The following GARNL3 variants were observed in gnomAD, a reference collection of about 807,000 sequenced individuals.
The protein encoded by GARNL3 is GTPase-activating Rap/Ran-GAP domain-like protein 3.
In GARNL3, 63 loss-of-function variants were observed where a neutral mutation model predicts 125.0. That is an observed-to-expected ratio of 0.50 (90% CI 0.41 to 0.62). The LOEUF is 0.62. GARNL3 is among the 20% of genes least tolerant of loss of function. The pLI is 0.00. For synonymous variants in GARNL3, 439 were observed against 457.5 expected (o/e 0.96, Z 0.52); for missense variants, 994 against 1,244.0 (o/e 0.80, Z 3.02).
intron 2 of GARNL3, among the ~76,000 whole-genome samples, chr9:127,297,184 G>C: frequency 6.6e-6 from 1 of 151,888 alleles, no homozygotes; most frequent in East Asian, 1.9e-4. Flanking sequence ...TGTCACCTAG[G>C]CTGGAGTGCA....
At chr9:127,354,590 T>C (rs919337576) in intron 19 of GARNL3, among the ~76,000 whole-genome samples, 180 bp downstream of exon 19, 8 of 152,172 alleles carry the variant, frequency 5.3e-5, no homozygotes, top group Non-Finnish European at 1.0e-4. Context: ...GACAAACACA[T>C]TGAGGACTAG....
At chr9:127,332,184 C>A in intron 7 of GARNL3, 90 bp from the exon 8 acceptor site, 2 of 881,762 alleles carry the variant, frequency 2.3e-6, no homozygotes, top group Non-Finnish European at 1.9e-6. Flanking sequence ...CTGGTGACTG[C>A]CATTGTGCTA....
intron 5 of GARNL3, among the ~76,000 whole-genome samples, chr9:127,319,374 C>T (rs765577538): frequency 4.6e-5 from 7 of 151,742 alleles, no homozygotes; most frequent in African/African-American, 7.3e-5. Context: ...CTCAGCTACT[C>T]GGGAGGCTGA....
intron 1 of GARNL3, among the ~76,000 whole-genome samples, chr9:127,229,442 C>T (rs1332824738): frequency 6.6e-6 from 1 of 152,186 alleles, no homozygotes; most frequent in Non-Finnish European, 1.5e-5. Flanking sequence ...AGATTGGCCT[C>T]CCTTATCCAA....
At chr9:127,305,804 T>C (rs2064938760) in intron 2 of GARNL3, among the ~76,000 whole-genome samples, 1 of 152,158 alleles carries the variant, frequency 6.6e-6, no homozygotes, top group Non-Finnish European at 1.5e-5. Flanking sequence ...CTAACTATGT[T>C]ACCCAGGCTA....
intron 2 of GARNL3, among the ~76,000 whole-genome samples, chr9:127,298,389 A>G (rs974929151): frequency 6.6e-6 from 1 of 151,964 alleles, no homozygotes; most frequent in Non-Finnish European, 1.5e-5. Flanking sequence ...ATGTTGGCCA[A>G]GCTGGTCTCA....
intron 22 of GARNL3, among the ~76,000 whole-genome samples, chr9:127,373,158 C>T (rs1427126918): frequency 6.6e-6 from 1 of 152,182 alleles, no homozygotes; most frequent in Non-Finnish European, 1.5e-5. Flanking sequence ...AACAAATACT[C>T]ATAGATTGCA....
At chr9:127,254,871 C>T (rs1588693711) in intron 2 of GARNL3, among the ~76,000 whole-genome samples, 1 of 151,854 alleles carries the variant, frequency 6.6e-6, no homozygotes, top group Non-Finnish European at 1.5e-5. Context: ...AACAGGTAGC[C>T]CAAAAGGCCA....
rs2063227705 is a variant in GARNL3, at chr9:127,242,888, C to T, written c.-28-191C>T. ...TAACAGGACTTGGATGGTTCCATGG[C>T]CCAATGCTTCCTTGATGCAGTAAGG... On this transcript the variant is annotated intron_variant, in intron 1 of 10. Coordinates refer to the GARNL3 transcript ENST00000439286. This position sits in a 1 kb window ranked among gnomAD's most constrained non-coding sequence, Gnocchi z 4.6. Among the ~76,000 whole-genome samples, 1 of 152,052 alleles carries T rather than the reference C, an allele frequency of 6.6e-6. No individual in the cohort carries two copies. The highest frequency in any genetic ancestry group is 2.4e-5 in the African/African-American group (1 of 41,386).
upstream of GARNL3, chr9:127,264,065 C>T: frequency 2.1e-6 from 2 of 972,634 alleles, no homozygotes; most frequent in African/African-American, 1.6e-5. Context: ...ACATGTTATT[C>T]CTATATAATT....
chr9:127,389,104 C>G lies in GARNL3; in HGVS notation c.2728C>G (p.Arg910Gly). 6.2e-7 allele frequency: 1 copy of G among 1,613,314 alleles called. No homozygotes were observed. ...MEIKEIASRT[R>G]RELLGLSDEG... is the part of the protein sequence containing the mutation. The stretch of plus-strand genomic sequence containing the variant: ...GATCAAAGAAATAGCAAGCAGGACC[C>G]GCAGGGAACTACTGGGTAATGGTTC... The change falls in exon 26 of 28, where the codon CGC (arginine) becomes GGC (glycine). Residue 910 changes from arginine to glycine, a missense_variant. Around this residue, in one of 5 missense-constraint regions of GARNL3, gnomAD observed 728 missense variants for 865.7 expected, o/e 0.84. Transcript: ENST00000373387.
chr9:127,389,072 G>C lies in GARNL3; in HGVS notation c.2696G>C (p.Arg899Pro). The change falls in exon 26 of 28, where the codon CGC becomes CCC. Residue 899 changes from arginine to proline, a missense_variant. This residue lies in a region of GARNL3 where 728 missense variants were observed against 865.7 expected (regional missense o/e 0.84). Coordinates refer to ENST00000373387, the MANE Select transcript of GARNL3 (RefSeq NM_032293.5). ...IPVTHSLSLSRMEIKEIASRT... is the reference protein window; with the variant it reads ...IPVTHSLSLSPMEIKEIASRT... The stretch of plus-strand genomic sequence containing the variant: ...GTCACGCACTCCTTGTCCCTGTCTC[G>C]CATGGAGATCAAAGAAATAGCAAGC... 1 of 1,614,070 alleles carries C rather than the reference G, an allele frequency of 6.2e-7. No homozygotes were observed. Among genetic ancestry groups the C allele is most frequent in the Non-Finnish European group, 8.5e-7 (1 of 1,179,982 alleles).
intron 7 of GARNL3, among the ~76,000 whole-genome samples, chr9:127,330,488 A>C (rs1271713267): frequency 6.6e-6 from 1 of 152,210 alleles, no homozygotes; most frequent in Non-Finnish European, 1.5e-5. Flanking sequence ...TTATGTCATG[A>C]ATATTTATTA....
intron 2 of GARNL3, among the ~76,000 whole-genome samples, chr9:127,252,592 A>C (rs1050024773): frequency 7.5e-4 from 114 of 152,348 alleles, no homozygotes; most frequent in African/African-American, 2.7e-3. Context: ...CCTAAGATCA[A>C]GCAGTGAGTT....
At chr9:127,261,407 GTT>G (rs377048911), upstream of GARNL3, among the ~76,000 whole-genome samples, 10 of 117,122 alleles carry the variant, frequency 8.5e-5, no homozygotes, top group South Asian at 2.8e-4. Flanking sequence ...TTTTTTGTTG[GTT>G]TTTTTTTTTT....
At chr9:127,278,604 T>C (rs1181057918) in intron 1 of GARNL3, among the ~76,000 whole-genome samples, 1 of 152,242 alleles carries the variant, frequency 6.6e-6, no homozygotes, top group Non-Finnish European at 1.5e-5. Context: ...ACCTTTTTCC[T>C]TTAAAACTTC....
chr9:127,320,833 T>A, intron 6 of GARNL3, 55 bp downstream of exon 6: 3 of 1,179,218 alleles, frequency 2.5e-6, no homozygotes, highest in Non-Finnish European at 3.8e-6. Flanking sequence ...AGTGTTAGGA[T>A]AGAACTGACA....
intron 22 of GARNL3, among the ~76,000 whole-genome samples, chr9:127,382,655 C>A (rs1832329927): frequency 6.6e-6 from 1 of 151,980 alleles, no homozygotes; most frequent in African/African-American, 2.4e-5. Context: ...ATGTGATGGA[C>A]CTCTGTAATA....
At chr9:127,304,313 G>A (rs1157036733) in intron 2 of GARNL3, among the ~76,000 whole-genome samples, 1 of 152,142 alleles carries the variant, frequency 6.6e-6, no homozygotes, top group Non-Finnish European at 1.5e-5. Flanking sequence ...GGACTGAAAA[G>A]CTAAAAGTTT....
Sources: allele counts gnomAD v4.1 joint callset (sites outside exome capture counted in the v4.1 genomes callset), GRCh38; gene constraint gnomAD v4.1.1; regional missense constraint gnomAD v4.1.1; non-coding constraint Gnocchi (gnomAD v3.1); transcripts MANE v1.5; gene names NCBI Gene and HGNC (gene_info 2026-07-23, HGNC 2026-07-21).